The following TCHP variants were observed in gnomAD, a reference collection of about 807,000 sequenced individuals.
The protein encoded by TCHP is trichoplein keratin filament binding.
In TCHP, 81 loss-of-function variants were observed where a neutral mutation model predicts 88.7. That is an observed-to-expected ratio of 0.91 (90% CI 0.76 to 1.10). TCHP has a LOEUF of 1.10. Ranked by LOEUF, TCHP falls within the 50% of genes least tolerant of loss-of-function variation. The pLI is 0.00. For missense variants in TCHP, 641 were observed against 632.1 expected (o/e 1.01, Z -0.15); for synonymous variants, 232 against 232.5 (o/e 1.00, Z 0.02).
intron 8 of TCHP, among the ~76,000 whole-genome samples, chr12:109,909,558 G>A (rs900192615): frequency 2.0e-5 from 3 of 152,196 alleles, no homozygotes; most frequent in Non-Finnish European, 4.4e-5. Context: ...GGTGGCTCCC[G>A]CCTATAATCC....
At chr12:109,898,752 C>T (rs1385535085), upstream of TCHP, among the ~76,000 whole-genome samples, 1 of 152,208 alleles carries the variant, frequency 6.6e-6, no homozygotes, top group Non-Finnish European at 1.5e-5. Context: ...CTCAGCCTCC[C>T]AAGTTGCTAG....
rs951853606 is a variant in TCHP at position 109,905,468 on chromosome 12, A to C, written c.456+675A>C. On this transcript the variant is annotated intron_variant, in intron 4 of 12. Coordinates refer to ENST00000405876, the MANE Select transcript of TCHP (RefSeq NM_001143852.2). This position sits in a 1 kb window ranked among gnomAD's most constrained non-coding sequence, Gnocchi z 4.0. Reference sequence around the variant, plus strand: ...TTTCAGAGAGACTCCTCTGGTAGCAATGTGCCCGCCGACAGGGAGGGGTGC... The same window carrying C: ...TTTCAGAGAGACTCCTCTGGTAGCACTGTGCCCGCCGACAGGGAGGGGTGC... 2.6e-5 allele frequency among the ~76,000 whole-genome samples: 4 copies of C among 152,134 alleles called. No individual in the cohort carries two copies. The highest frequency in any genetic ancestry group is 9.7e-5 in the African/African-American group (4 of 41,432).
At chr12:109,908,838 A>G (rs748502568) in intron 7 of TCHP, 33 bp from the exon 8 acceptor site, 46 of 1,611,772 alleles carry the variant, frequency 2.9e-5, no homozygotes, top group Non-Finnish European at 3.7e-5. Flanking sequence ...TTTCTGAGAT[A>G]CTGAAGGCAG....
chr12:109,913,596 G>A (rs866229542), intron 10 of TCHP, among the ~76,000 whole-genome samples: 1 of 152,198 alleles, frequency 6.6e-6, no homozygotes, highest in Non-Finnish European at 1.5e-5. Flanking sequence ...GATGACAGCC[G>A]TGACCTGGAG....
At chr12:109,893,375 CT>C in the TCHP span, among the ~76,000 whole-genome samples, 1 of 139,002 alleles carries the variant, frequency 7.2e-6, no homozygotes, top group Admixed American at 7.0e-5. Context: ...AGTGAAACTC[CT>C]TCTCAAAAAA....
chr12:109,910,559 A>C (rs1870426947), intron 8 of TCHP, among the ~76,000 whole-genome samples: 1 of 152,060 alleles, frequency 6.6e-6, no homozygotes, highest in Non-Finnish European at 1.5e-5. Flanking sequence ...CAGCCTCCCA[A>C]AGTGCTGGGA....
upstream of TCHP, among the ~76,000 whole-genome samples, chr12:109,896,351 T>G (rs1592901770): frequency 2.0e-5 from 3 of 152,204 alleles, no homozygotes; most frequent in African/African-American, 7.2e-5. Context: ...CTGGCTTTTA[T>G]AGTCTTTGCT....
At chr12:109,902,710 G>A (rs1388062591) in intron 1 of TCHP, among the ~76,000 whole-genome samples, 5 of 152,122 alleles carry the variant, frequency 3.3e-5, no homozygotes, top group East Asian at 1.9e-4. Flanking sequence ...TCCTGACCTC[G>A]TGATCTGCCC....
At chr12:109,911,406 A>G (rs752585789) in intron 9 of TCHP, among the ~76,000 whole-genome samples, 171 bp downstream of exon 9, 3 of 151,978 alleles carry the variant, frequency 2.0e-5, no homozygotes, top group Non-Finnish European at 4.4e-5. Flanking sequence ...GAGCCTAGGA[A>G]TTTGAGATCA....
intron 5 of TCHP, 131 bp downstream of exon 5, chr12:109,906,771 C>T: frequency 4.3e-6 from 3 of 703,352 alleles, no homozygotes; most frequent in South Asian, 1.8e-5. Flanking sequence ...TCTTAGTTTA[C>T]TTGACACATG....
upstream of TCHP, among the ~76,000 whole-genome samples, chr12:109,898,840 G>C (rs181357454): frequency 6.1e-4 from 92 of 151,956 alleles, no homozygotes; most frequent in African/African-American, 1.8e-3. Flanking sequence ...TAATTTGGAG[G>C]TGGAGTCTCA....
rs758269399 is a variant in TCHP at position 109,903,103 on chromosome 12, A to G, written c.77A>G (p.Gln26Arg). The change falls in exon 2 of 13, where the codon CAG (glutamine) becomes CGG (arginine). Residue 26 changes from glutamine to arginine, a missense_variant. Gln to Arg is a conservative substitution (Grantham distance 43). Transcript: ENST00000405876. The surrounding 1 kb of genome is among the most constrained non-coding windows in gnomAD (Gnocchi z 4.6). ...LNQQLARQRE[Q>R]EARLRQQWEQ... ...CAGCAGCTAGCACGACAGCGAGAGC[A>G]GGAGGCCCGGCTTCGGCAGCAGTGG... The G allele has an allele frequency of 6.2e-7, 1 of 1,614,100 alleles. No individual in the cohort carries two copies. The highest frequency in any genetic ancestry group is 1.1e-5 in the South Asian group (1 of 91,086).
At chr12:109,882,983 A>G in the TCHP span, among the ~76,000 whole-genome samples, 3 of 151,868 alleles carry the variant, frequency 2.0e-5, no homozygotes, top group African/African-American at 7.3e-5. Flanking sequence ...TGTTAAAGGC[A>G]ATAAGAAATC....
At chr12:109,901,867 A>T (rs1034755819) in intron 1 of TCHP, among the ~76,000 whole-genome samples, 1 of 152,232 alleles carries the variant, frequency 6.6e-6, no homozygotes, top group Admixed American at 6.5e-5. Flanking sequence ...CACTGGCTAA[A>T]TAAAGGACTC....
At chr12:109,881,996 C>G in the TCHP span, among the ~76,000 whole-genome samples, 2 of 151,980 alleles carry the variant, frequency 1.3e-5, no homozygotes, top group South Asian at 4.2e-4. Flanking sequence ...AATCCCTGCC[C>G]TTGTGGAGCT....
rs780472821 is a variant in TCHP at position 109,908,714 on chromosome 12, GC to G, written c.812+22del. 1.9e-6 allele frequency: 3 copies of G among 1,581,966 alleles called. No individual in the cohort carries two copies. Among genetic ancestry groups the G allele is most frequent in the South Asian group, 1.1e-5 (1 of 87,176 alleles). The stretch of plus-strand genomic sequence containing the variant: ...CAGAGCTGGGGTGTGTGTCAGAAGG[GC>G]CCCCCACTCTTCCCAGGCGGGTGGG... On this transcript the variant is annotated intron_variant, in intron 7 of 12. Transcript: ENST00000405876.
In TCHP at chr12:109,905,066, A is replaced by T. The variant is rs998240927; in HGVS notation, c.456+273A>T. On this transcript the variant is annotated intron_variant, in intron 4 of 12. Coordinates refer to ENST00000405876, the MANE Select transcript of TCHP (RefSeq NM_001143852.2). The surrounding 1 kb of genome is among the most constrained non-coding windows in gnomAD (Gnocchi z 4.0). The stretch of plus-strand genomic sequence containing the variant: ...TTCTGCTCATTAGCTTGTGTCCAGC[A>T]TGGGAGCTCATTACAGGGCAGGATG... 1 of 459,442 alleles carries T rather than the reference A, an allele frequency of 2.2e-6. No homozygotes were observed. Among genetic ancestry groups the T allele is most frequent in the Non-Finnish European group, 3.9e-6 (1 of 254,754 alleles). 28.5% of individuals were successfully genotyped at this position (459,442 alleles called of 1,614,324 possible).
the TCHP span, among the ~76,000 whole-genome samples, chr12:109,893,580 C>T: frequency 1.3e-5 from 2 of 152,112 alleles, no homozygotes; most frequent in African/African-American, 2.4e-5. Context: ...GACCAGGTGT[C>T]CTTCTCCCAG....
Position 109,911,175 on chromosome 12 carries a change from C to T in TCHP, c.992C>T (p.Ala331Val). ...VMADVAWMKQAIEEQLQLERA... is the reference protein window; with the variant it reads ...VMADVAWMKQVIEEQLQLERA... ...GCCGATGTGGCCTGGATGAAGCAGG[C>T]CATTGAGGAGCAGCTGCAGCTGGAG... The change falls in exon 9 of 13, where the codon GCC becomes GTC. Residue 331 changes from alanine (A) to valine (V), a missense_variant. Physicochemically the swap from Ala to Val is moderately conservative, Grantham distance 64 (BLOSUM62 0). Transcript: ENST00000405876. 6.3e-7 allele frequency: 1 copy of T among 1,592,476 alleles called. No homozygotes were observed. Among genetic ancestry groups the T allele is most frequent in the Non-Finnish European group, 8.5e-7 (1 of 1,171,988 alleles).
Sources: allele counts gnomAD v4.1 joint callset (sites outside exome capture counted in the v4.1 genomes callset), GRCh38; gene constraint gnomAD v4.1.1; non-coding constraint Gnocchi (gnomAD v3.1); transcripts MANE v1.5; gene names NCBI Gene and HGNC (gene_info 2026-07-23, HGNC 2026-07-21).